The following PCDH15 variants were observed in gnomAD, a reference collection of about 807,000 sequenced individuals.
The protein encoded by PCDH15 is protocadherin related 15.
A neutral mutation model predicts 178.5 loss-of-function variants in PCDH15; 129 were observed. The observed-to-expected ratio is 0.72, with a 90% CI of 0.63 to 0.84. The LOEUF (loss-of-function observed/expected upper bound fraction) is 0.84, where lower values mean the gene tolerates loss of function less well. PCDH15 is among the 40% of genes least tolerant of loss of function. The pLI is 0.00. For synonymous variants in PCDH15, 800 were observed against 732.0 expected, an observed-to-expected ratio of 1.09 and a Z score of -1.50; for missense variants, 2,230 against 2,099.9, an observed-to-expected ratio of 1.06 and a Z score of -1.21.
At chr10:54,235,866 C>G (rs1393851225) in intron 9 of PCDH15, among the ~76,000 whole-genome samples, 1 of 152,070 alleles carries the variant, frequency 6.6e-6, no homozygotes, top group African/African-American at 2.4e-5. Flanking sequence ...AAGTTTTTTA[C>G]AAATATAAAA....
intron 2 of PCDH15, among the ~76,000 whole-genome samples, chr10:55,475,217 G>A (rs1840039414): frequency 6.6e-6 from 1 of 152,014 alleles, no homozygotes; most frequent in Admixed American, 6.6e-5. Flanking sequence ...ACTCATGAGG[G>A]ATCCACTCTG....
intron 25 of PCDH15, among the ~76,000 whole-genome samples, chr10:53,932,895 C>T (rs2085201769): frequency 6.6e-6 from 1 of 152,032 alleles, no homozygotes; most frequent in Admixed American, 6.6e-5. Context: ...TCCCTCATGG[C>T]TTGGTGTTGT....
chr10:55,179,089 T>G (rs1839570989), intron 1 of PCDH15, among the ~76,000 whole-genome samples: 1 of 152,188 alleles, frequency 6.6e-6, no homozygotes. Flanking sequence ...TTGTAAAATT[T>G]GTTTCTTTTT....
intron 2 of PCDH15, among the ~76,000 whole-genome samples, chr10:55,406,608 C>T (rs190966218): frequency 2.6e-5 from 4 of 152,170 alleles, no homozygotes; most frequent in Admixed American, 2.0e-4. Flanking sequence ...ACTGAGGGTG[C>T]TACCAGGGCA....
rs374117115 is a variant in PCDH15 at position 54,332,343 on chromosome 10, TATATA to T, written c.595-2642_595-2638del. ...ATATAATCTATATTATATATTATTA[TATATA>T]ATATAATATAATCTATATTATATAT... On this transcript the variant is annotated intron_variant, in intron 6 of 37. Transcript: ENST00000644397. Among the ~76,000 whole-genome samples the T allele has an allele frequency of 9.4e-3, 975 of 103,566 alleles. 12 individuals are homozygous for T. Among genetic ancestry groups the T allele is most frequent in the African/African-American group, 0.013 (326 of 26,060 alleles). The allele number at this position is 103,566 out of a possible 152,430, so 67.9% of individuals were successfully genotyped here.
intron 26 of PCDH15, among the ~76,000 whole-genome samples, chr10:53,874,243 A>C (rs2080069179): frequency 1.3e-5 from 2 of 152,130 alleles, no homozygotes; most frequent in African/African-American, 4.8e-5. Flanking sequence ...GAGTCTATTA[A>C]GATTTCCCTC....
At chr10:54,401,230 C>T (rs1951895101) in intron 3 of PCDH15, among the ~76,000 whole-genome samples, 1 of 151,708 alleles carries the variant, frequency 6.6e-6, no homozygotes, top group Non-Finnish European at 1.5e-5. Context: ...TCTGTAAAGG[C>T]TTTTCTTTGT....
intron 3 of PCDH15, among the ~76,000 whole-genome samples, chr10:54,859,752 A>G (rs1953807808): frequency 6.6e-6 from 1 of 151,630 alleles, no homozygotes; most frequent in Non-Finnish European, 1.5e-5. Flanking sequence ...CACATAATCA[A>G]TAAATTTGCT....
intron 2 of PCDH15, among the ~76,000 whole-genome samples, chr10:55,051,822 T>C (rs924557246): frequency 1.3e-5 from 2 of 152,168 alleles, no homozygotes; most frequent in African/African-American, 4.8e-5. Context: ...CATTTGTTAG[T>C]AATAAGAGAA....
intron 3 of PCDH15, among the ~76,000 whole-genome samples, chr10:54,809,469 A>T (rs1475254318): frequency 1.3e-5 from 2 of 152,134 alleles, no homozygotes; most frequent in Non-Finnish European, 2.9e-5. Flanking sequence ...CCAACATAGT[A>T]AGAAATTACA....
At chr10:53,911,529 C>T (rs996166093) in intron 25 of PCDH15, among the ~76,000 whole-genome samples, 16 of 152,100 alleles carry the variant, frequency 1.1e-4, no homozygotes, top group Non-Finnish European at 2.4e-4. Context: ...AATTGACACC[C>T]TAACATCACA....
At chr10:54,091,451 A>G (rs1192914276) in intron 15 of PCDH15, among the ~76,000 whole-genome samples, 2 of 152,128 alleles carry the variant, frequency 1.3e-5, no homozygotes, top group Non-Finnish European at 2.9e-5. Flanking sequence ...GACAGGCAGG[A>G]ACGTATTGTT....
chr10:54,160,138 G>A (rs1026983281), intron 13 of PCDH15, among the ~76,000 whole-genome samples: 2 of 152,122 alleles, frequency 1.3e-5, no homozygotes, highest in Non-Finnish European at 1.5e-5. Flanking sequence ...TGGGCAGGGA[G>A]CATAGATGTC....
intron 1 of PCDH15, among the ~76,000 whole-genome samples, chr10:55,271,564 C>A (rs1411618966): frequency 6.6e-6 from 1 of 152,068 alleles, no homozygotes; most frequent in Non-Finnish European, 1.5e-5. Context: ...TAGTGGACCA[C>A]ACAATTTATT....
chr10:55,171,611 T>C (rs992522406), intron 1 of PCDH15, among the ~76,000 whole-genome samples: 1 of 152,152 alleles, frequency 6.6e-6, no homozygotes, highest in Non-Finnish European at 1.5e-5. Context: ...TACTCTGCTA[T>C]TTGGCATTTG....
rs1841821090 is a variant in PCDH15 at position 55,250,924 on chromosome 10, T to TAA, written c.-156+68673_-156+68674dup. Among the ~76,000 whole-genome samples the TAA allele has an allele frequency of 5.3e-5, 8 of 152,238 alleles. No homozygotes were observed. In the South Asian group the frequency reaches 1.7e-3, roughly 32 times the overall value. On this transcript the variant is annotated intron_variant, in intron 1 of 5. Coordinates refer to the PCDH15 transcript ENST00000458638. ...TTAAATTATCAATATTACAAACAAA[T>TAA]AATGCTCGGTAGGAAGTATTTATAT...
intron 13 of PCDH15, among the ~76,000 whole-genome samples, chr10:54,180,162 G>T (rs369271538): frequency 6.6e-6 from 1 of 152,164 alleles, no homozygotes; most frequent in Non-Finnish European, 1.5e-5. Context: ...TGATGTTGGT[G>T]CTTTAAGGCA....
rs1174340248 is a variant in PCDH15 at position 53,867,153 on chromosome 10, T to C, written c.3502-296A>G. Among the ~76,000 whole-genome samples, 3 of 152,240 alleles carry C rather than the reference T, an allele frequency of 2.0e-5. No individual in the cohort carries two copies. The South Asian group carries it at 6.2e-4, about 32-fold the overall frequency. ...CCCTACCCCTCCTTTCCTTTTACCC[T>C]TACCAGCCTCCAGTATCTTGTATTC... On this transcript the variant is annotated intron_variant, in intron 26 of 37. Transcript: ENST00000644397.
intron 2 of PCDH15, among the ~76,000 whole-genome samples, chr10:55,163,034 T>C (rs1839104272): frequency 2.0e-5 from 3 of 152,234 alleles, no homozygotes; most frequent in East Asian, 1.9e-4. Flanking sequence ...CCAGGGACTA[T>C]TCTGTGGCTC....
Sources: allele counts gnomAD v4.1 joint callset (sites outside exome capture counted in the v4.1 genomes callset), GRCh38; gene constraint gnomAD v4.1.1; transcripts MANE v1.5; gene names NCBI Gene and HGNC (gene_info 2026-07-23, HGNC 2026-07-21).